MYO6: variants seen among roughly 807,000 people sequenced by gnomAD.
MYO6 encodes myosin VI, also known as unconventional myosin-VI.
MYO6 carries 74 observed loss-of-function variants against 178.7 expected under a neutral mutation model. The observed-to-expected ratio is 0.41, with a 90% CI of 0.34 to 0.50. The LOEUF (loss-of-function observed/expected upper bound fraction) is 0.50. Ranked by LOEUF, MYO6 falls within the 20% of genes least tolerant of loss-of-function variation. The pLI is 0.09. For missense variants in MYO6, 1,330 were observed against 1,547.4 expected, an observed-to-expected ratio of 0.86 and a Z score of 2.36; for synonymous variants, 477 against 504.6, an observed-to-expected ratio of 0.95 and a Z score of 0.73.
At chr6:75,783,870 C>T (rs1394354570) in intron 1 of MYO6, among the ~76,000 whole-genome samples, 1 of 152,170 alleles carries the variant, frequency 6.6e-6, no homozygotes, top group South Asian at 2.1e-4. Context: ...CAGATTTCTG[C>T]CTTATGGTTG....
intron 1 of MYO6, among the ~76,000 whole-genome samples, chr6:75,778,040 A>C (rs1169456942): frequency 2.0e-5 from 3 of 152,102 alleles, no homozygotes. Context: ...TTAATTTAAA[A>C]ATTGAAACAG....
At chr6:75,755,544 G>A (rs1777275247) in intron 1 of MYO6, among the ~76,000 whole-genome samples, 2 of 152,108 alleles carry the variant, frequency 1.3e-5, no homozygotes, top group African/African-American at 4.8e-5. Flanking sequence ...TTGGTAATTA[G>A]CTTTTCTAGT....
At chr6:75,770,193 A>G (rs1306291555) in intron 1 of MYO6, among the ~76,000 whole-genome samples, 1 of 152,182 alleles carries the variant, frequency 6.6e-6, no homozygotes, top group Non-Finnish European at 1.5e-5. Flanking sequence ...TGTAAGCTTC[A>G]TGAGGCCCTT....
chr6:75,750,531 ATTT>A (rs530813379), intron 1 of MYO6, among the ~76,000 whole-genome samples: 1 of 134,364 alleles, frequency 7.4e-6, no homozygotes. Context: ...AATAAGCCTC[ATTT>A]TTTTTTTTTT....
intron 13 of MYO6, among the ~76,000 whole-genome samples, chr6:75,857,933 G>A (rs538241135): frequency 6.6e-6 from 1 of 152,280 alleles, no homozygotes; most frequent in African/African-American, 2.4e-5. Context: ...AAGGAGTAGT[G>A]TCTTCTTTGT....
At position 75,915,838 on chromosome 6, in the gene MYO6, A is replaced by G; in HGVS notation, c.*826A>G. On this transcript the variant is annotated 3_prime_UTR_variant, in exon 35 of 35. Transcript: ENST00000369977. Reference sequence around the variant, plus strand: ...AGTGGCTTAACTGGACTGAATTCAAATATTCTTTCAACTTCATCTCAATAG... The same window carrying G: ...AGTGGCTTAACTGGACTGAATTCAAGTATTCTTTCAACTTCATCTCAATAG... The G allele has an allele frequency of 6.6e-6, 1 of 152,666 alleles. No homozygotes were observed. Among genetic ancestry groups the G allele is most frequent in the South Asian group, 2.1e-4 (1 of 4,836 alleles). 9.5% of individuals were successfully genotyped at this position (152,666 alleles called of 1,614,324 possible). A position where few individuals can be genotyped will look rare whatever the true frequency, so the allele number is the denominator to read the frequency against.
chr6:75,762,458 C>CCAA (rs879542288), intron 1 of MYO6, among the ~76,000 whole-genome samples: 72 of 152,320 alleles, frequency 4.7e-4, no homozygotes, highest in Middle Eastern at 3.4e-3. Context: ...AGAGTCTTTG[C>CCAA]TCCACTTAGA....
chr6:75,776,407 A>G (rs1276793028), intron 1 of MYO6, among the ~76,000 whole-genome samples: 1 of 152,236 alleles, frequency 6.6e-6, no homozygotes. Flanking sequence ...ATGGTTAGAA[A>G]GGGTTAAAGC....
At chr6:75,826,940 T>C (rs1256746164) in intron 3 of MYO6, among the ~76,000 whole-genome samples, 8 of 149,370 alleles carry the variant, frequency 5.4e-5, no homozygotes, top group Admixed American at 5.3e-4. Flanking sequence ...AGCAGTGAGG[T>C]GAAAGTGAAC....
intron 19 of MYO6, among the ~76,000 whole-genome samples, chr6:75,872,279 T>G (rs57635257): frequency 3.9e-5 from 6 of 152,372 alleles, no homozygotes; most frequent in African/African-American, 1.4e-4. Flanking sequence ...ACAATACGTT[T>G]CATTGTATAC....
intron 4 of MYO6, among the ~76,000 whole-genome samples, chr6:75,829,006 A>G (rs1327301474): frequency 1.3e-5 from 2 of 152,142 alleles, no homozygotes; most frequent in East Asian, 3.8e-4. Flanking sequence ...AAGACAATGT[A>G]AGGCAGCCTA....
At chr6:75,787,616 G>A (rs865973921) in intron 1 of MYO6, among the ~76,000 whole-genome samples, 1 of 139,598 alleles carries the variant, frequency 7.2e-6, no homozygotes, top group African/African-American at 2.6e-5. Context: ...GGGGCATGAG[G>A]GAACTTTTTG....
At chr6:75,887,195 G>T (rs1223750073) in intron 25 of MYO6, among the ~76,000 whole-genome samples, 1 of 152,090 alleles carries the variant, frequency 6.6e-6, no homozygotes, top group Non-Finnish European at 1.5e-5. Context: ...AGTTAAAGAA[G>T]ACAATTTTTA....
rs1274417521 is a variant in MYO6 at position 75,830,401 on chromosome 6, G to A, written c.262-15G>A. On this transcript the variant is annotated splice_polypyrimidine_tract_variant and intron_variant, in intron 4 of 34. Coordinates refer to ENST00000369977, the MANE Select transcript of MYO6 (RefSeq NM_004999.4). ...AGTAATTGGAATATTTTATGTTTAT[G>A]CTTTTCGTATTTAGACATATGTCGC... The A allele has an allele frequency of 4.4e-6, 7 of 1,605,342 alleles. No individual in the cohort carries two copies. The highest frequency in any genetic ancestry group is 2.2e-5 in the East Asian group (1 of 44,684).
intron 32 of MYO6, among the ~76,000 whole-genome samples, chr6:75,910,295 G>T (rs1314574072): frequency 6.6e-6 from 1 of 152,038 alleles, no homozygotes; most frequent in African/African-American, 2.4e-5. Flanking sequence ...TCATTATATT[G>T]TATTTCAAAA....
At chr6:75,766,022 C>T (rs148253191) in intron 1 of MYO6, among the ~76,000 whole-genome samples, 299 of 152,106 alleles carry the variant, frequency 2.0e-3, no homozygotes, top group African/African-American at 5.9e-3. Flanking sequence ...AGTGAGACTC[C>T]GTCTCAAAGA....
At position 75,881,767 on chromosome 6, in the gene MYO6, A is replaced by G. The variant is rs751650523; in HGVS notation, c.2365A>G (p.Thr789Ala). 9 of 1,613,928 alleles carry G rather than the reference A, an allele frequency of 5.6e-6. No individual in the cohort carries two copies. The highest frequency in any genetic ancestry group is 6.8e-6 in the Non-Finnish European group (8 of 1,179,938). ...GGTTAAAAGAGTCAATCACTGGCTC[A>G]CATGCAGTCGCTGGAAGAAAGTTCA... ...ELVKRVNHWL[T>A]CSRWKKVQWC... The change falls in exon 23 of 35, where the codon ACA (threonine) becomes GCA (alanine). Residue 789 changes from threonine (T) to alanine (A), a missense_variant. Physicochemically the swap from Thr to Ala is moderately conservative, Grantham distance 58. This residue lies in a region of MYO6 where 601 missense variants were observed against 626.1 expected (regional missense o/e 0.96). Transcript: ENST00000369977.
In MYO6 at chr6:75,892,724, C is replaced by T. The variant is rs757316511; in HGVS notation, c.3107+34C>T. 7.5e-6 allele frequency: 12 copies of T among 1,609,466 alleles called. No homozygotes were observed. The East Asian group carries it at 8.9e-5, about 12-fold the overall frequency. ...GCCCCTGGGTGGGGTATAGCGCTCT[C>T]TCCTTTGCTTTCTCTACCTCTCTGC... On this transcript the variant is annotated intron_variant, in intron 28 of 34. Transcript: ENST00000369977.
intron 24 of MYO6, 92 bp from the exon 25 acceptor site, chr6:75,886,752 G>A (rs1287433575): frequency 9.0e-6 from 11 of 1,222,878 alleles, no homozygotes; most frequent in Non-Finnish European, 1.3e-5. Context: ...GAAAACAGAA[G>A]TGAAATACCC....
Sources: gnomAD v4.1 joint callset for allele counts (sites outside exome capture counted in the v4.1 genomes callset) on GRCh38, gnomAD v4.1.1 for gene constraint, gnomAD v4.1.1 regional missense constraint, MANE v1.5 for transcripts, NCBI Gene and HGNC (gene_info 2026-07-23, HGNC 2026-07-21) for gene names.